NEDD4L: variants seen among roughly 807,000 people sequenced by gnomAD.
NEDD4L encodes E3 ubiquitin-protein ligase NEDD4-like.
NEDD4L carries 54 observed loss-of-function variants against 148.9 expected under a neutral mutation model. The observed-to-expected ratio is 0.36, with a 90% confidence interval of 0.29 to 0.45. The LOEUF (loss-of-function observed/expected upper bound fraction) is 0.45. NEDD4L is among the 20% of genes least tolerant of loss of function. The probability of loss-of-function intolerance (pLI) is 1.00; values close to 1 mark genes in which losing one functional copy is unlikely to be tolerated. For synonymous variants in NEDD4L, 433 were observed against 440.7 expected, an observed-to-expected ratio of 0.98 and a Z score of 0.22; for missense variants, 856 against 1,233.8, an observed-to-expected ratio of 0.69 and a Z score of 4.59.
chr18:58,262,680 T>C (rs146892042), intron 5 of NEDD4L, among the ~76,000 whole-genome samples: 1 of 151,776 alleles, frequency 6.6e-6, no homozygotes, highest in African/African-American at 2.4e-5. Context: ...AGTGAGCATG[T>C]TGAATGCATA....
intron 5 of NEDD4L, among the ~76,000 whole-genome samples, chr18:58,301,882 T>A (rs1017087590): frequency 1.3e-5 from 2 of 152,186 alleles, no homozygotes; most frequent in Non-Finnish European, 2.9e-5. Context: ...ACTGGTGCCA[T>A]GCCCTTTGAT....
rs2042615188 is a variant in NEDD4L, at chr18:58,342,997, C to T, written c.1469C>T (p.Pro490Leu). The change falls in exon 16 of 31, where the codon CCA becomes CTA. Residue 490 changes from proline to leucine, a missense_variant. By Grantham distance (98) the Pro-to-Leu change is moderately conservative. Coordinates refer to ENST00000400345, the MANE Select transcript of NEDD4L (RefSeq NM_001144967.3). Reference protein sequence around the residue: ...PQPSPYNSPKPQHKVTQSFLP... With the variant: ...PQPSPYNSPKLQHKVTQSFLP... ...CCATCACCTTACAACTCCCCCAAAC[C>T]ACAACACAAAGTCACACAGAGCTTC... The T allele has an allele frequency of 6.2e-7, 1 of 1,613,810 alleles. No individual in the cohort carries two copies. The highest frequency in any genetic ancestry group is 1.3e-5 in the African/African-American group (1 of 74,912).
intron 1 of NEDD4L, among the ~76,000 whole-genome samples, chr18:58,139,533 T>A (rs2033254404): frequency 6.6e-6 from 1 of 152,194 alleles, no homozygotes; most frequent in Non-Finnish European, 1.5e-5. Flanking sequence ...TAATGCGTGT[T>A]TGTTAAAAAT....
chr18:58,303,613 A>G (rs2056750179), intron 5 of NEDD4L, among the ~76,000 whole-genome samples: 3 of 152,328 alleles, frequency 2.0e-5, no homozygotes, highest in South Asian at 4.1e-4. Context: ...TTACCCGTTA[A>G]TAAGGAAATA....
intron 2 of NEDD4L, among the ~76,000 whole-genome samples, chr18:58,244,149 A>T (rs2046972321): frequency 6.6e-6 from 1 of 152,206 alleles, no homozygotes; most frequent in East Asian, 1.9e-4. Context: ...TAATCTTTGG[A>T]AATATCTTAG....
intron 1 of NEDD4L, among the ~76,000 whole-genome samples, chr18:58,052,527 G>C (rs990505176): frequency 6.6e-6 from 1 of 152,068 alleles, no homozygotes; most frequent in Non-Finnish European, 1.5e-5. Context: ...AGATTCCCTT[G>C]CTGTCATCAA....
At chr18:58,211,773 G>C (rs495437) in intron 2 of NEDD4L, among the ~76,000 whole-genome samples, 2 of 152,006 alleles carry the variant, frequency 1.3e-5, no homozygotes, top group African/African-American at 4.8e-5. Flanking sequence ...AAGCAATGTG[G>C]TATTGATCCA....
chr18:58,373,023 G>T, intron 23 of NEDD4L, 151 bp from the exon 24 acceptor site: 1 of 591,282 alleles, frequency 1.7e-6, no homozygotes. Flanking sequence ...AAAGAGGAAG[G>T]TTTGGTTTAG....
intron 2 of NEDD4L, among the ~76,000 whole-genome samples, chr18:58,183,987 G>C (rs1212533166): frequency 6.6e-6 from 1 of 152,168 alleles, no homozygotes. Flanking sequence ...GGCTAACATG[G>C]TGAAACCCCG....
chr18:58,184,674 A>T (rs867886051), intron 2 of NEDD4L, among the ~76,000 whole-genome samples: 9 of 152,120 alleles, frequency 5.9e-5, no homozygotes, highest in Non-Finnish European at 1.2e-4. Context: ...CACGCTTGTA[A>T]TCCCAGCACT....
chr18:58,297,489 G>A (rs1055360817), intron 5 of NEDD4L, among the ~76,000 whole-genome samples: 22 of 152,178 alleles, frequency 1.4e-4, no homozygotes, highest in Non-Finnish European at 4.4e-5. Flanking sequence ...GAGAAGACGT[G>A]TGTGTAAAAT....
chr18:58,386,768 C>T (rs1453496234), intron 26 of NEDD4L, among the ~76,000 whole-genome samples: 3 of 152,148 alleles, frequency 2.0e-5, no homozygotes, highest in Admixed American at 6.5e-5. Flanking sequence ...ACACAGGATG[C>T]GTGAAAGCCC....
At chr18:58,045,108 G>T in intron 1 of NEDD4L, 1 of 399,240 alleles carries the variant, frequency 2.5e-6, no homozygotes, top group Non-Finnish European at 4.4e-6. Context: ...TCTGGGTCGC[G>T]CGGCTGGAGA....
At chr18:58,302,844 C>A (rs1416513817) in intron 5 of NEDD4L, among the ~76,000 whole-genome samples, 1 of 151,994 alleles carries the variant, frequency 6.6e-6, no homozygotes, top group African/African-American at 2.4e-5. Context: ...GGACCCCTCC[C>A]ACGGCGTACT....
chr18:58,046,105 G>A (rs1568135486), intron 1 of NEDD4L: 1 of 152,190 alleles, frequency 6.6e-6, no homozygotes, highest in Non-Finnish European at 1.5e-5. Context: ...AAAGCTTGAT[G>A]TATTTATTTG....
At chr18:58,239,754 C>T (rs376647134) in intron 2 of NEDD4L, among the ~76,000 whole-genome samples, 4 of 152,152 alleles carry the variant, frequency 2.6e-5, no homozygotes, top group Admixed American at 1.3e-4. Flanking sequence ...ACCTCGTCTG[C>T]GCTGTCTTTT....
chr18:58,247,105 T>G lies in NEDD4L; in HGVS notation c.204+1597T>G, dbSNP rs1011091273. Among the ~76,000 whole-genome samples the G allele has an allele frequency of 3.9e-5, 6 of 152,326 alleles. No homozygotes were observed. The South Asian group carries it at 1.2e-3, about 32-fold the overall frequency. ...CTTTAGTATCATTTATGGGTTACTA[T>G]GATTTTTTTCCTTACCTCCTTTAGA... On this transcript the variant is annotated intron_variant, in intron 3 of 30. Coordinates refer to ENST00000400345, the MANE Select transcript of NEDD4L (RefSeq NM_001144967.3).
intron 1 of NEDD4L, among the ~76,000 whole-genome samples, chr18:58,102,981 T>G (rs2084850115): frequency 6.6e-6 from 1 of 152,106 alleles, no homozygotes; most frequent in Admixed American, 6.6e-5. Flanking sequence ...CAAAACCAGC[T>G]TGTGATTTGG....
intron 2 of NEDD4L, among the ~76,000 whole-genome samples, chr18:58,211,694 A>G (rs1042094260): frequency 5.3e-5 from 8 of 152,248 alleles, no homozygotes; most frequent in African/African-American, 1.7e-4. Context: ...ATGGAAAAGA[A>G]AACCGGTGAG....
Sources: allele counts gnomAD v4.1 joint callset (sites outside exome capture counted in the v4.1 genomes callset), GRCh38; gene constraint gnomAD v4.1.1; transcripts MANE v1.5; gene names NCBI Gene and HGNC (gene_info 2026-07-23, HGNC 2026-07-21).